MAP3K7CL: variants seen among roughly 807,000 people sequenced by gnomAD.
The protein encoded by MAP3K7CL is MAP3K7 C-terminal-like protein.
In MAP3K7CL, 16 loss-of-function variants were observed where a neutral mutation model predicts 18.6. The observed-to-expected ratio is 0.86, with a 90% CI of 0.58 to 1.31. MAP3K7CL has a LOEUF of 1.31. Among genes scored for constraint, MAP3K7CL ranks in the 50% most tolerant of loss-of-function variants. MAP3K7CL has a pLI of 0.00. For synonymous variants in MAP3K7CL, 65 were observed against 66.8 expected (o/e 0.97, Z 0.13); for missense variants, 163 against 174.4 (o/e 0.93, Z 0.37).
intron 2 of MAP3K7CL, among the ~76,000 whole-genome samples, chr21:29,138,536 C>G (rs1044498989): frequency 1.3e-5 from 2 of 152,210 alleles, no homozygotes; most frequent in African/African-American, 4.8e-5. Context: ...TTCAGCTAAG[C>G]TAAAAACTGG....
At chr21:29,109,416 G>T (rs2086381303) in intron 4 of MAP3K7CL, 3 of 1,299,326 alleles carry the variant, frequency 2.3e-6, no homozygotes, top group East Asian at 3.0e-5. Context: ...CAGCCAGGAG[G>T]TGTTAAGTAT....
At chr21:29,150,771 CTTTT>C in intron 3 of MAP3K7CL, among the ~76,000 whole-genome samples, 1 of 127,150 alleles carries the variant, frequency 7.9e-6, no homozygotes, top group Admixed American at 8.2e-5. Context: ...TCTACCTTTC[CTTTT>C]TTTTTTTTTT....
chr21:29,163,417 T>A (rs769211551), intron 4 of MAP3K7CL, among the ~76,000 whole-genome samples: 7 of 152,216 alleles, frequency 4.6e-5, no homozygotes, highest in Non-Finnish European at 8.8e-5. Context: ...CTTCTACCAT[T>A]TGGGCTTGGG....
At chr21:29,117,234 A>C (rs938909786) in intron 4 of MAP3K7CL, among the ~76,000 whole-genome samples, 1 of 152,128 alleles carries the variant, frequency 6.6e-6, no homozygotes, top group Non-Finnish European at 1.5e-5. Flanking sequence ...GGAAAATGTC[A>C]TTTTCTATTT....
chr21:29,109,901 C>G lies in MAP3K7CL; in HGVS notation c.370+17320C>G, dbSNP rs1400379650. On this transcript the variant is annotated intron_variant, in intron 4 of 6. Coordinates refer to the MAP3K7CL transcript ENST00000286791. ...TTTGTCTTCTGTTATTGTCAGATTG[C>G]TCTCCAAGAAGACATTAATCTAGCA... 3 of 583,740 alleles carry G rather than the reference C, an allele frequency of 5.1e-6. No individual in the cohort carries two copies. In the African/African-American group the frequency reaches 6.0e-5, roughly 12 times the overall value. The allele number at this position is 583,740 out of a possible 1,614,324, so 36.2% of individuals were successfully genotyped here.
At chr21:29,103,683 C>T (rs1302319184) in intron 4 of MAP3K7CL, among the ~76,000 whole-genome samples, 4 of 151,718 alleles carry the variant, frequency 2.6e-5, no homozygotes, top group Middle Eastern at 3.4e-3. Flanking sequence ...TGCAGTGAGC[C>T]GGGATCGTGC....
intron 4 of MAP3K7CL, among the ~76,000 whole-genome samples, chr21:29,101,430 G>A (rs912586544): frequency 3.3e-5 from 5 of 152,132 alleles, no homozygotes; most frequent in African/African-American, 1.2e-4. Context: ...GTTTTTTTGA[G>A]ACGGAGTCTC....
At chr21:29,125,488 A>C (rs1568949407) in intron 4 of MAP3K7CL, among the ~76,000 whole-genome samples, 1 of 152,234 alleles carries the variant, frequency 6.6e-6, no homozygotes, top group Non-Finnish European at 1.5e-5. Context: ...TCATTCTGCT[A>C]TCTTAAGCCT....
chr21:29,112,213 G>A (rs533906034), intron 4 of MAP3K7CL, among the ~76,000 whole-genome samples: 4 of 152,244 alleles, frequency 2.6e-5, no homozygotes, highest in Non-Finnish European at 4.4e-5. Flanking sequence ...CAAGGGAATC[G>A]CTTGAACCCA....
chr21:29,164,297 C>A (rs1448297437), intron 4 of MAP3K7CL, among the ~76,000 whole-genome samples: 5 of 152,120 alleles, frequency 3.3e-5, no homozygotes, highest in South Asian at 2.1e-4. Context: ...ATATATTGGG[C>A]CAAGTGAATT....
At chr21:29,097,829 A>G (rs1435673454) in intron 4 of MAP3K7CL, among the ~76,000 whole-genome samples, 2 of 152,308 alleles carry the variant, frequency 1.3e-5, no homozygotes, top group Admixed American at 1.3e-4. Flanking sequence ...CCCCGCACCC[A>G]GATTTTAGCT....
At chr21:29,144,209 G>T (rs1242756090) in intron 2 of MAP3K7CL, among the ~76,000 whole-genome samples, 3 of 151,722 alleles carry the variant, frequency 2.0e-5, no homozygotes, top group Non-Finnish European at 1.5e-5. Flanking sequence ...GTGCAAGCAG[G>T]GGCTTGATCT....
intron 4 of MAP3K7CL, among the ~76,000 whole-genome samples, 187 bp downstream of exon 4, chr21:29,160,243 C>T (rs2087513955): frequency 6.6e-6 from 1 of 152,168 alleles, no homozygotes; most frequent in African/African-American, 2.4e-5. Context: ...AGGAATGCTT[C>T]CTACTCAAAA....
At chr21:29,083,399 G>A (rs549827156), upstream of MAP3K7CL, among the ~76,000 whole-genome samples, 4 of 152,226 alleles carry the variant, frequency 2.6e-5, no homozygotes, top group South Asian at 8.3e-4. Flanking sequence ...TTGCATTTTG[G>A]TATCATGCCA....
In MAP3K7CL at chr21:29,163,933, A is replaced by G. The variant is rs151049469; in HGVS notation, c.248+3877A>G. ...GGCTGGTCTCAAACTCCTGACCTAC[A>G]GCAATCCTTCCACGTCAGCCGCCCA... On this transcript the variant is annotated intron_variant, in intron 4 of 4. Transcript: ENST00000399928. Among the ~76,000 whole-genome samples, 943 of 151,898 alleles carry G rather than the reference A, an allele frequency of 6.2e-3. 5 individuals are homozygous for G. Among genetic ancestry groups the G allele is most frequent in the African/African-American group, 0.022 (898 of 41,414 alleles).
At chr21:29,126,301 A>G (rs1380400790), upstream of MAP3K7CL, among the ~76,000 whole-genome samples, 1 of 152,104 alleles carries the variant, frequency 6.6e-6, no homozygotes, top group African/African-American at 2.4e-5. Flanking sequence ...AGCCATGTGC[A>G]TTTGTTTCCT....
intron 1 of MAP3K7CL, among the ~76,000 whole-genome samples, chr21:29,080,107 G>A (rs1164763853): frequency 6.6e-6 from 1 of 152,132 alleles, no homozygotes; most frequent in Non-Finnish European, 1.5e-5. Flanking sequence ...AGGTTCTCTT[G>A]AGCCTTTATG....
At chr21:29,127,571 C>G (rs2086700775), upstream of MAP3K7CL, 2 of 152,170 alleles carry the variant, frequency 1.3e-5, no homozygotes, top group South Asian at 4.1e-4. Context: ...TGACTGAAAA[C>G]CTTGAATTTA....
chr21:29,104,261 T>C (rs1006583510), intron 4 of MAP3K7CL, among the ~76,000 whole-genome samples: 2 of 152,136 alleles, frequency 1.3e-5, no homozygotes, highest in East Asian at 1.9e-4. Flanking sequence ...ATTTTTTTTT[T>C]CTCGGGGTTT....
Sources: allele counts gnomAD v4.1 joint callset (sites outside exome capture counted in the v4.1 genomes callset), GRCh38; gene constraint gnomAD v4.1.1; transcripts MANE v1.5; gene names NCBI Gene and HGNC (gene_info 2026-07-23, HGNC 2026-07-21).